The following AFAP1L1 variants were observed in gnomAD, a reference collection of about 807,000 sequenced individuals.
AFAP1L1 encodes the protein actin filament associated protein 1 like 1.
A neutral mutation model predicts 99.8 loss-of-function variants in AFAP1L1; 77 were observed. The observed-to-expected ratio is 0.77, with a 90% CI of 0.64 to 0.93. The LOEUF is 0.93. AFAP1L1 is among the 40% of genes least tolerant of loss of function. The pLI, the probability that AFAP1L1 is intolerant of heterozygous loss-of-function variation, is 0.00. For missense variants in AFAP1L1, 893 were observed against 996.8 expected (o/e 0.90, Z 1.40); for synonymous variants, 373 against 395.3 (o/e 0.94, Z 0.67).
intron 9 of AFAP1L1, 109 bp downstream of exon 9, chr5:149,312,313 C>A: frequency 2.9e-6 from 3 of 1,016,956 alleles, no homozygotes; most frequent in Non-Finnish European, 4.7e-6. Context: ...AACTGCCAAA[C>A]TGTAGGTGCC....
chr5:149,329,760 G>A lies in AFAP1L1; in HGVS notation c.1905G>A (p.Thr635=), dbSNP rs140900950. 143 of 1,614,024 alleles carry A rather than the reference G, an allele frequency of 8.9e-5. No individual in the cohort carries two copies. In the African/African-American group the frequency reaches 1.1e-3, roughly 13 times the overall value. The change falls in exon 16 of 19, where the codon ACG becomes ACA. Residue 635 remains threonine (T), a synonymous_variant. Coordinates refer to ENST00000296721, the MANE Select transcript of AFAP1L1 (RefSeq NM_152406.4). ...AGAAGCTGGAGAAAGAGAAAGAGAC[G>A]ATTCGGACAGAGCTGATAGCACTGA... ...EKEKLEKEKE[T]IRTELIALRQ...
Position 149,340,559 on chromosome 5 carries a change from C to A in AFAP1L1, c.*529C>A, listed in dbSNP as rs1337789570. On this transcript the variant is annotated 3_prime_UTR_variant, in exon 19 of 19. Coordinates refer to ENST00000296721, the MANE Select transcript of AFAP1L1 (RefSeq NM_152406.4). ...TAGGTTGAACAATCAATAACATTATCCCTGCCTGCATACATGTGAACAAAA... is the reference window on the plus strand; with the variant it reads ...TAGGTTGAACAATCAATAACATTATACCTGCCTGCATACATGTGAACAAAA... 6.5e-6 allele frequency: 1 copy of A among 154,224 alleles called. No homozygotes were observed. The highest frequency in any genetic ancestry group is 2.4e-5 in the African/African-American group (1 of 41,482). The allele number at this position is 154,224 out of a possible 1,614,324, so 9.6% of individuals were successfully genotyped here. A position where few individuals can be genotyped will look rare whatever the true frequency, so the allele number is the denominator to read the frequency against.
chr5:149,317,204 A>G (rs922161757), intron 11 of AFAP1L1, among the ~76,000 whole-genome samples: 1 of 152,200 alleles, frequency 6.6e-6, no homozygotes, highest in Non-Finnish European at 1.5e-5. Context: ...CTACAAAGAA[A>G]TATTTTGTAA....
intron 1 of AFAP1L1, among the ~76,000 whole-genome samples, chr5:149,294,073 G>A (rs1378132736): frequency 6.6e-6 from 1 of 152,100 alleles, no homozygotes; most frequent in Non-Finnish European, 1.5e-5. Context: ...ATTTTTTTAA[G>A]GAATAGGAGA....
chr5:149,302,757 G>A (rs1472083681), intron 5 of AFAP1L1: 2 of 426,628 alleles, frequency 4.7e-6, no homozygotes, highest in Non-Finnish European at 8.5e-6. Context: ...TCCCAGATCT[G>A]TGTGGCCTTG....
intron 8 of AFAP1L1, among the ~76,000 whole-genome samples, chr5:149,311,289 C>G (rs1408092497): frequency 6.6e-6 from 1 of 152,194 alleles, no homozygotes; most frequent in Non-Finnish European, 1.5e-5. Flanking sequence ...GTTGGGGGAG[C>G]CTGTACCCTC....
chr5:149,320,447 C>CT lies in AFAP1L1; in HGVS notation c.1684dup (p.Tyr562LeufsTer2). ...GAGCCCCGAGTCTATGATGATGTTCCTTATGAAAAGATGCAGGTACAGTCC... is the reference window on the plus strand; with the variant it reads ...GAGCCCCGAGTCTATGATGATGTTCCTTTATGAAAAGATGCAGGTACAGTCC... On this transcript the variant is annotated frameshift_variant, in exon 14 of 19. Transcript: ENST00000296721. LOFTEE classifies it high-confidence loss of function. This position sits in a 1 kb window ranked among gnomAD's most constrained non-coding sequence, Gnocchi z 4.0. 6.2e-7 allele frequency: 1 copy of CT among 1,614,212 alleles called. No homozygotes were observed.
At chr5:149,298,581 T>G (rs1388346480) in intron 1 of AFAP1L1, among the ~76,000 whole-genome samples, 2 of 152,232 alleles carry the variant, frequency 1.3e-5, no homozygotes, top group Non-Finnish European at 2.9e-5. Context: ...TGATAATGAT[T>G]GTTCAGTACA....
At chr5:149,313,423 A>C (rs185220903) in intron 9 of AFAP1L1, among the ~76,000 whole-genome samples, 1 of 152,236 alleles carries the variant, frequency 6.6e-6, no homozygotes, top group African/African-American at 2.4e-5. Flanking sequence ...GGTGATTTTC[A>C]TAACAACTCT....
intron 1 of AFAP1L1, among the ~76,000 whole-genome samples, chr5:149,284,041 C>T (rs981810308): frequency 3.3e-5 from 5 of 152,246 alleles, no homozygotes; most frequent in Non-Finnish European, 7.3e-5. Flanking sequence ...TCAAGGGACA[C>T]TTCCTAGCCA....
Position 149,320,576 on chromosome 5 carries a change from T to C in AFAP1L1, c.1698+113T>C. The C allele has an allele frequency of 1.0e-6, 1 of 972,448 alleles. No homozygotes were observed. Among genetic ancestry groups the C allele is most frequent in the South Asian group, 1.4e-5 (1 of 68,990 alleles). The allele number at this position is 972,448 out of a possible 1,614,324, so 60.2% of individuals were successfully genotyped here. On this transcript the variant is annotated intron_variant, in intron 14 of 18. Transcript: ENST00000296721. This position sits in a 1 kb window ranked among gnomAD's most constrained non-coding sequence, Gnocchi z 4.0. Reference sequence around the variant, plus strand: ...AAGATCATTTTCATTTAAGCAGCAGTAGCTAGAAGGGGAGCCCCTTCTTAT... The same window carrying C: ...AAGATCATTTTCATTTAAGCAGCAGCAGCTAGAAGGGGAGCCCCTTCTTAT...
rs1756567434 is a variant in AFAP1L1, at chr5:149,309,999, C to T, written c.791C>T (p.Ala264Val). 2 of 1,614,254 alleles carry T rather than the reference C, an allele frequency of 1.2e-6. No individual in the cohort carries two copies. The highest frequency in any genetic ancestry group is 1.7e-6 in the Non-Finnish European group (2 of 1,180,046). Residue 264 changes from alanine (A) to valine (V), a missense_variant, in exon 8 of 19, where the codon GCA (alanine) becomes GTA (valine). Coordinates refer to ENST00000296721, the MANE Select transcript of AFAP1L1 (RefSeq NM_152406.4). ...GATCGGCAGCCACATCTGAGGTTGG[C>T]ACTGGATACCTGCAGCATCATCTAC... ...SKDRQPHLRL[A>V]LDTCSIIYVP...
chr5:149,305,433 A>G (rs571038070), intron 5 of AFAP1L1, among the ~76,000 whole-genome samples: 2 of 152,192 alleles, frequency 1.3e-5, no homozygotes, highest in African/African-American at 4.8e-5. Context: ...AGTCCAGTAC[A>G]TTTTCTATTT....
Position 149,320,358 on chromosome 5 carries a change from A to T in AFAP1L1, c.1626-33A>T, listed in dbSNP as rs779141748. The T allele has an allele frequency of 3.7e-6, 6 of 1,606,240 alleles. No homozygotes were observed. The South Asian group carries it at 6.6e-5, about 18-fold the overall frequency. On this transcript the variant is annotated intron_variant, in intron 13 of 18. Transcript: ENST00000296721. The surrounding 1 kb of genome is among the most constrained non-coding windows in gnomAD (Gnocchi z 4.0). ...CTGTAAGCTGCAAAGCATCATTGTC[A>T]TTGTCATTGTCATCGTACATTTTAT...
chr5:149,319,488 C>A, intron 12 of AFAP1L1, 94 bp from the exon 13 acceptor site: 1 of 1,437,514 alleles, frequency 7.0e-7, no homozygotes, highest in African/African-American at 1.4e-5. Flanking sequence ...GTAGTCAGTA[C>A]TTACAAATAT....
chr5:149,339,979 T>C (rs1464787754), intron 18 of AFAP1L1, 28 bp from the exon 19 acceptor site: 1 of 1,613,452 alleles, frequency 6.2e-7, no homozygotes, highest in Non-Finnish European at 8.5e-7. Context: ...TTCAGCAAAT[T>C]GATTTGTCTT....
At chr5:149,306,157 G>A (rs904326810) in intron 5 of AFAP1L1, 149 bp from the exon 6 acceptor site, 1 of 593,242 alleles carries the variant, frequency 1.7e-6, no homozygotes, top group East Asian at 2.9e-5. Context: ...GAGATGCAGA[G>A]AGGAGGCCTC....
intron 9 of AFAP1L1, among the ~76,000 whole-genome samples, chr5:149,314,369 A>G (rs1756733807): frequency 6.6e-6 from 1 of 152,206 alleles, no homozygotes; most frequent in Non-Finnish European, 1.5e-5. Flanking sequence ...GCAAGCTTGC[A>G]GAGTTGAGCT....
At chr5:149,307,921 C>CAAG (rs1756484650) in intron 7 of AFAP1L1, among the ~76,000 whole-genome samples, 1 of 149,232 alleles carries the variant, frequency 6.7e-6, no homozygotes, top group African/African-American at 2.5e-5. Flanking sequence ...TTTTAGAGGC[C>CAAG]AAGGCAGGTG....
Sources: allele counts gnomAD v4.1 joint callset (sites outside exome capture counted in the v4.1 genomes callset), GRCh38; gene constraint gnomAD v4.1.1; non-coding constraint Gnocchi (gnomAD v3.1); transcripts MANE v1.5; gene names NCBI Gene and HGNC (gene_info 2026-07-23, HGNC 2026-07-21).